MIS18A: variants seen among roughly 807,000 people sequenced by gnomAD.
MIS18A encodes protein Mis18-alpha.
MIS18A carries 14 observed loss-of-function variants against 25.0 expected under a neutral mutation model. The ratio of observed to expected loss-of-function variants is 0.56; its 90% CI spans 0.37 to 0.88. MIS18A has a LOEUF of 0.88. MIS18A is among the 40% of genes least tolerant of loss of function. MIS18A has a pLI of 0.00. For missense variants in MIS18A, 292 were observed against 290.8 expected, an observed-to-expected ratio of 1.00 and a Z score of -0.03; for synonymous variants, 134 against 118.6, an observed-to-expected ratio of 1.13 and a Z score of -0.84.
chr21:32,171,332 T>C, the MIS18A span, among the ~76,000 whole-genome samples: 2 of 152,218 alleles, frequency 1.3e-5, no homozygotes, highest in East Asian at 1.9e-4. Context: ...CAAAATTCAA[T>C]TGTAGTTCTA....
chr21:32,229,957 G>A, the MIS18A span, among the ~76,000 whole-genome samples: 1 of 152,152 alleles, frequency 6.6e-6, no homozygotes, highest in Non-Finnish European at 1.5e-5. Context: ...AAAGTACAGA[G>A]TTTACAACTA....
the MIS18A span, among the ~76,000 whole-genome samples, chr21:32,165,708 C>A: frequency 6.6e-6 from 1 of 152,060 alleles, no homozygotes; most frequent in Non-Finnish European, 1.5e-5. Flanking sequence ...AAGAAAGACT[C>A]AGCCTAACTA....
At chr21:32,171,875 G>A in the MIS18A span, among the ~76,000 whole-genome samples, 1 of 152,010 alleles carries the variant, frequency 6.6e-6, no homozygotes, top group Non-Finnish European at 1.5e-5. Flanking sequence ...ACCATCCCAT[G>A]TTCATGGATC....
the MIS18A span, among the ~76,000 whole-genome samples, chr21:32,220,038 T>A: frequency 1.1e-4 from 17 of 152,308 alleles, no homozygotes; most frequent in Middle Eastern, 3.4e-3. Context: ...AAGGGGCGGC[T>A]GTGGGTGCAT....
the MIS18A span, among the ~76,000 whole-genome samples, chr21:32,182,938 G>A: frequency 6.6e-6 from 1 of 152,154 alleles, no homozygotes; most frequent in African/African-American, 2.4e-5. Flanking sequence ...TTTCTTGAAG[G>A]GGAAGCTCCA....
chr21:32,247,450 G>C, the MIS18A span, among the ~76,000 whole-genome samples: 1 of 152,244 alleles, frequency 6.6e-6, no homozygotes, highest in Non-Finnish European at 1.5e-5. Context: ...GACATGGCTA[G>C]AGTGGACCCC....
chr21:32,169,014 G>T, the MIS18A span, among the ~76,000 whole-genome samples: 1 of 152,090 alleles, frequency 6.6e-6, no homozygotes, highest in South Asian at 2.1e-4. Flanking sequence ...AAGCAGAATT[G>T]GTCAAAATCA....
the MIS18A span, among the ~76,000 whole-genome samples, chr21:32,193,514 A>AGATG: frequency 9.4e-6 from 1 of 106,166 alleles, no homozygotes; most frequent in Non-Finnish European, 2.1e-5. Context: ...ATAGATAGAT[A>AGATG]GATAGATGGA....
chr21:32,199,005 T>C, the MIS18A span, among the ~76,000 whole-genome samples: 18 of 152,246 alleles, frequency 1.2e-4, no homozygotes, highest in Non-Finnish European at 2.4e-4. Flanking sequence ...GATTGCCAGT[T>C]GATTCATATG....
At chr21:32,217,804 T>C in the MIS18A span, among the ~76,000 whole-genome samples, 1 of 152,146 alleles carries the variant, frequency 6.6e-6, no homozygotes, top group East Asian at 1.9e-4. Context: ...AAGGGTGACA[T>C]ATTCAAAATT....
At chr21:32,222,785 G>A in the MIS18A span, among the ~76,000 whole-genome samples, 280 of 151,980 alleles carry the variant, frequency 1.8e-3, 1 homozygote, top group Non-Finnish European at 2.1e-3. Context: ...AAAAAAATTA[G>A]CCAGGTGTGG....
In MIS18A at chr21:32,269,027, A is replaced by C. The variant is rs2031662644; in HGVS notation, c.*10T>G. On this transcript the variant is annotated 3_prime_UTR_variant, in exon 5 of 5. Transcript: ENST00000290130. ...AGGGCGGGGGCAGAATGGAGGACAC[A>C]GACTAGAGTTCAGCTTTTACAAGTG... is the stretch of plus-strand genomic sequence containing the variant. The C allele has an allele frequency of 6.3e-6, 10 of 1,582,542 alleles. No homozygotes were observed. The highest frequency in any genetic ancestry group is 4.6e-5 in the South Asian group (4 of 86,044).
chr21:32,192,774 T>G, the MIS18A span, among the ~76,000 whole-genome samples: 1 of 152,182 alleles, frequency 6.6e-6, no homozygotes, highest in East Asian at 1.9e-4. Context: ...CAAGCGTGGC[T>G]GAATAACCCT....
At chr21:32,205,721 G>T in the MIS18A span, among the ~76,000 whole-genome samples, 1 of 152,196 alleles carries the variant, frequency 6.6e-6, no homozygotes, top group Admixed American at 6.5e-5. Flanking sequence ...CACCTTCTCT[G>T]ACTGTCCCAT....
At chr21:32,199,623 C>G in the MIS18A span, among the ~76,000 whole-genome samples, 2 of 152,044 alleles carry the variant, frequency 1.3e-5, no homozygotes, top group African/African-American at 4.8e-5. Context: ...GCCTGGCCAA[C>G]CTGGTAAAAC....
chr21:32,249,969 G>A, the MIS18A span, among the ~76,000 whole-genome samples: 1 of 152,130 alleles, frequency 6.6e-6, no homozygotes, highest in Admixed American at 6.5e-5. Context: ...AGGAATTCTT[G>A]GCACTCCCAT....
chr21:32,261,838 G>C, the MIS18A span, among the ~76,000 whole-genome samples: 1 of 152,206 alleles, frequency 6.6e-6, no homozygotes, highest in African/African-American at 2.4e-5. Context: ...GAGGGGCTGG[G>C]GGATCTGGTA....
chr21:32,197,011 A>G, the MIS18A span, among the ~76,000 whole-genome samples: 1 of 152,008 alleles, frequency 6.6e-6, no homozygotes. Flanking sequence ...TGTCATTAAT[A>G]TTTTAATCTC....
chr21:32,226,448 C>T, the MIS18A span, among the ~76,000 whole-genome samples: 1 of 151,928 alleles, frequency 6.6e-6, no homozygotes, highest in African/African-American at 2.4e-5. Flanking sequence ...AGTGGCTATA[C>T]TAATATCAGA....
Sources: allele counts gnomAD v4.1 joint callset (sites outside exome capture counted in the v4.1 genomes callset), GRCh38; gene constraint gnomAD v4.1.1; transcripts MANE v1.5; gene names NCBI Gene and HGNC (gene_info 2026-07-23, HGNC 2026-07-21).